The following HEBP2 variants were observed in gnomAD, a reference collection of about 807,000 sequenced individuals.
HEBP2 encodes heme-binding protein 2.
HEBP2 carries 27 observed loss-of-function variants against 23.1 expected under a neutral mutation model. The observed-to-expected ratio is 1.17, with a 90% CI of 0.86 to 1.61. HEBP2 has a LOEUF of 1.61. HEBP2 is among the 40% of genes most tolerant of loss of function. HEBP2 has a pLI of 0.00. For synonymous variants in HEBP2, 99 were observed against 95.1 expected, an observed-to-expected ratio of 1.04 and a Z score of -0.24; for missense variants, 245 against 253.8, an observed-to-expected ratio of 0.97 and a Z score of 0.24.
rs1278855613 is a variant in HEBP2, at chr6:138,419,014, CAT to C, written c.*5937_*5938del. ...ACACAGAAGTTGAAAAACTGTATCA[CAT>C]GTTAATGCCCACTAGATAGCACCCA... On this transcript the variant is annotated 3_prime_UTR_variant, in exon 4 of 4. Transcript: ENST00000607197. 1 of 152,072 alleles carries C rather than the reference CAT, an allele frequency of 6.6e-6. No individual in the cohort carries two copies. Among genetic ancestry groups the C allele is most frequent in the Non-Finnish European group, 1.5e-5 (1 of 68,008 alleles). 9.4% of individuals were successfully genotyped at this position (152,072 alleles called of 1,614,324 possible).
At position 138,421,702 on chromosome 6, in the gene HEBP2, C is replaced by T. The variant is rs910822850; in HGVS notation, c.*8624C>T. The T allele has an allele frequency of 6.6e-6, 1 of 152,286 alleles. No individual in the cohort carries two copies. The highest frequency in any genetic ancestry group is 2.1e-4 in the South Asian group (1 of 4,824). 9.4% of individuals were successfully genotyped at this position (152,286 alleles called of 1,614,324 possible). ...GGTGCCATGTTTCAGGGATGAGTCT[C>T]GATTCTTCTCTCCCTGTATTTCATC... On this transcript the variant is annotated 3_prime_UTR_variant, in exon 4 of 4. Transcript: ENST00000607197.
rs1053235324 is a variant in HEBP2, at chr6:138,415,988, T to G, written c.*2910T>G. 1 of 152,272 alleles carries G rather than the reference T, an allele frequency of 6.6e-6. No individual in the cohort carries two copies. Among genetic ancestry groups the G allele is most frequent in the Non-Finnish European group, 1.5e-5 (1 of 68,136 alleles). The allele number at this position is 152,272 out of a possible 1,614,324, so 9.4% of individuals were successfully genotyped here. ...GACTGGTCCCTCCCCTTCTCCTGGC[T>G]ACCAGGCCTATAACGAGACTTAAGT... is the stretch of plus-strand genomic sequence containing the variant. On this transcript the variant is annotated 3_prime_UTR_variant, in exon 4 of 4. Coordinates refer to ENST00000607197, the MANE Select transcript of HEBP2 (RefSeq NM_014320.3).
chr6:138,404,723 A>G, intron 1 of HEBP2, 126 bp downstream of exon 1: 2 of 555,746 alleles, frequency 3.6e-6, no homozygotes, highest in South Asian at 6.0e-5. Context: ...CCTACCCACT[A>G]TGCTACGCAA....
rs1434866848 is a variant in HEBP2 at position 138,421,165 on chromosome 6, A to T, written c.*8087A>T. 6.6e-6 allele frequency: 1 copy of T among 152,086 alleles called. No individual in the cohort carries two copies. Among genetic ancestry groups the T allele is most frequent in the Non-Finnish European group, 1.5e-5 (1 of 68,038 alleles). 9.4% of individuals were successfully genotyped at this position (152,086 alleles called of 1,614,324 possible). A position where few individuals can be genotyped will look rare whatever the true frequency, so the allele number is the denominator to read the frequency against. On this transcript the variant is annotated 3_prime_UTR_variant, in exon 4 of 4. Transcript: ENST00000607197. Reference sequence around the variant, plus strand: ...AATGACCCTCCATTCCCCCAACAACATCCTCACATCTGCCAAAGCAAATTA... The same window carrying T: ...AATGACCCTCCATTCCCCCAACAACTTCCTCACATCTGCCAAAGCAAATTA...
chr6:138,412,717 G>T (rs1376098209), intron 3 of HEBP2, among the ~76,000 whole-genome samples, 163 bp from the exon 4 acceptor site: 1 of 152,202 alleles, frequency 6.6e-6, no homozygotes, highest in East Asian at 1.9e-4. Context: ...GCCTCCCAAA[G>T]TCCTGGGATT....
rs546522266 is a variant in HEBP2 at position 138,421,943 on chromosome 6, C to G, written c.*8865C>G. On this transcript the variant is annotated 3_prime_UTR_variant, in exon 4 of 4. Transcript: ENST00000607197. ...GAGACCTTCTGGTCTCACTGCTTTT[C>G]TGTTTGTATCCAGCAAAACACTCAA... is the stretch of plus-strand genomic sequence containing the variant. 6.6e-6 allele frequency: 1 copy of G among 152,244 alleles called. No individual in the cohort carries two copies. The highest frequency in any genetic ancestry group is 2.1e-4 in the South Asian group (1 of 4,826). 9.4% of individuals were successfully genotyped at this position (152,244 alleles called of 1,614,324 possible). A position where few individuals can be genotyped will look rare whatever the true frequency, so the allele number is the denominator to read the frequency against.
Position 138,404,473 on chromosome 6 carries a change from C to T in HEBP2, c.-23C>T. The T allele has an allele frequency of 7.9e-7, 1 of 1,258,252 alleles. No individual in the cohort carries two copies. The highest frequency in any genetic ancestry group is 1.0e-6 in the Non-Finnish European group (1 of 1,001,616). The allele number at this position is 1,258,252 out of a possible 1,614,324, so 77.9% of individuals were successfully genotyped here. A position where few individuals can be genotyped will look rare whatever the true frequency, so the allele number is the denominator to read the frequency against. ...CGGGGCCTCTGCGCGGCTGACCAGGCTCCCAGAGCGTCAGCGCCGCCCATG... is the reference window on the plus strand; with the variant it reads ...CGGGGCCTCTGCGCGGCTGACCAGGTTCCCAGAGCGTCAGCGCCGCCCATG... On this transcript the variant is annotated 5_prime_UTR_variant, in exon 1 of 4. Transcript: ENST00000607197.
At chr6:138,408,153 G>T (rs7773341) in intron 3 of HEBP2, among the ~76,000 whole-genome samples, 2,032 of 152,288 alleles carry the variant, frequency 0.013, 43 homozygotes, top group African/African-American at 0.046. Context: ...TCAAAGGGTT[G>T]CTTGGCCTTA....
At position 138,413,046 on chromosome 6, in the gene HEBP2, C is replaced by CA. The variant is rs769528102; in HGVS notation, c.593dup (p.Asn198LysfsTer2). The CA allele has an allele frequency of 2.5e-6, 4 of 1,612,698 alleles. No individual in the cohort carries two copies. Among genetic ancestry groups the CA allele is most frequent in the South Asian group, 1.1e-5 (1 of 90,824 alleles). On this transcript the variant is annotated frameshift_variant, in exon 4 of 4. Transcript: ENST00000607197. LOFTEE classifies it high-confidence loss of function. ...TAGAAATAATGAAGTGTGGTTGATTCAAAAAAATGAACCCACCAAAGAAAA... is the reference window on the plus strand; with the variant it reads ...TAGAAATAATGAAGTGTGGTTGATTCAAAAAAAATGAACCCACCAAAGAAAA...
In HEBP2 at chr6:138,406,086, T is replaced by G; in HGVS notation, c.354T>G (p.Asp118Glu). 1 of 1,614,182 alleles carries G rather than the reference T, an allele frequency of 6.2e-7. No individual in the cohort carries two copies. Among genetic ancestry groups the G allele is most frequent in the Non-Finnish European group, 8.5e-7 (1 of 1,180,014 alleles). The change falls in exon 3 of 4, where the codon GAT becomes GAG. Residue 118 changes from aspartate to glutamate, a missense_variant. Coordinates refer to ENST00000607197, the MANE Select transcript of HEBP2 (RefSeq NM_014320.3). ...ATATTCCCTCTGAACAGCAATTTGA[T>G]CCACCCAGGCCTTTAGAGTCAGATG... ...SLYIPSEQQFDPPRPLESDVF... is the reference protein window; with the variant it reads ...SLYIPSEQQFEPPRPLESDVF...
intron 3 of HEBP2, 78 bp from the exon 4 acceptor site, chr6:138,412,802 A>C: frequency 1.6e-6 from 2 of 1,234,742 alleles, no homozygotes; most frequent in East Asian, 2.3e-5. Flanking sequence ...TCACGGTACT[A>C]GCGCCCGCTT....
chr6:138,405,336 TATTGAG>T (rs1361949821), intron 2 of HEBP2, 56 bp downstream of exon 2: 1 of 1,593,742 alleles, frequency 6.3e-7, no homozygotes, highest in East Asian at 2.2e-5. Context: ...CCGGGCTTAT[TATTGAG>T]TTTTAGCTTA....
chr6:138,419,405 C>T lies in HEBP2; in HGVS notation c.*6327C>T, dbSNP rs1285833762. The T allele has an allele frequency of 3.9e-5, 6 of 152,198 alleles. No homozygotes were observed. Among genetic ancestry groups the T allele is most frequent in the Non-Finnish European group, 8.8e-5 (6 of 68,036 alleles). The allele number at this position is 152,198 out of a possible 1,614,324, so 9.4% of individuals were successfully genotyped here. On this transcript the variant is annotated 3_prime_UTR_variant, in exon 4 of 4. Transcript: ENST00000607197. ...CCTATTCTAGGTATGTGGTTCCTTT[C>T]GGGCCTACAGGGTCCTGAACACAAT...
rs1011166142 is a variant in HEBP2, at chr6:138,406,235, A to G, written c.419+84A>G. 2.4e-6 allele frequency: 3 copies of G among 1,239,686 alleles called. No individual in the cohort carries two copies. The African/African-American group carries it at 4.5e-5, about 19-fold the overall frequency. 76.8% of individuals were successfully genotyped at this position (1,239,686 alleles called of 1,614,324 possible). A position where few individuals can be genotyped will look rare whatever the true frequency, so the allele number is the denominator to read the frequency against. ...AGTTTAGCTCCAATGCAATTTCAAAAGGCTTTTTCACCCTTCCATAAAATC... is the reference window on the plus strand; with the variant it reads ...AGTTTAGCTCCAATGCAATTTCAAAGGGCTTTTTCACCCTTCCATAAAATC... On this transcript the variant is annotated intron_variant, in intron 3 of 3. Coordinates refer to ENST00000607197, the MANE Select transcript of HEBP2 (RefSeq NM_014320.3).
Position 138,415,436 on chromosome 6 carries a change from CG to C in HEBP2, c.*2359del, listed in dbSNP as rs1455249153. ...GAAATGGCATGCTGGTGCAGGGGAA[CG>C]CAATGACTGGTGGGTGATTTGGGTG... is the stretch of plus-strand genomic sequence containing the variant. On this transcript the variant is annotated 3_prime_UTR_variant, in exon 4 of 4. Coordinates refer to ENST00000607197, the MANE Select transcript of HEBP2 (RefSeq NM_014320.3). 6.6e-6 allele frequency: 1 copy of C among 152,124 alleles called. No homozygotes were observed. Among genetic ancestry groups the C allele is most frequent in the Non-Finnish European group, 1.5e-5 (1 of 68,078 alleles). The allele number at this position is 152,124 out of a possible 1,614,324, so 9.4% of individuals were successfully genotyped here. A position where few individuals can be genotyped will look rare whatever the true frequency, so the allele number is the denominator to read the frequency against.
Position 138,404,370 on chromosome 6 carries a change from G to T in HEBP2, c.-126G>T, listed in dbSNP as rs1471182839. 1.8e-6 allele frequency: 1 copy of T among 550,380 alleles called. No homozygotes were observed. Among genetic ancestry groups the T allele is most frequent in the Admixed American group, 4.7e-5 (1 of 21,352 alleles). 34.1% of individuals were successfully genotyped at this position (550,380 alleles called of 1,614,324 possible). A position where few individuals can be genotyped will look rare whatever the true frequency, so the allele number is the denominator to read the frequency against. On this transcript the variant is annotated 5_prime_UTR_variant, in exon 1 of 4. Transcript: ENST00000607197. Reference sequence around the variant, plus strand: ...GGGCTCGGGTCTCCAGCCCGGCCGGGAGGAGGGACCGGGTCTGCGGAGCGG... The same window carrying T: ...GGGCTCGGGTCTCCAGCCCGGCCGGTAGGAGGGACCGGGTCTGCGGAGCGG...
chr6:138,403,843 A>T (rs1039665546), upstream of HEBP2: 5 of 399,160 alleles, frequency 1.3e-5, no homozygotes, highest in African/African-American at 8.2e-5. Flanking sequence ...GATTCTCTCC[A>T]TGTGTCTGTG....
intron 3 of HEBP2, among the ~76,000 whole-genome samples, chr6:138,407,802 A>G (rs542468149): frequency 6.6e-6 from 1 of 152,344 alleles, no homozygotes; most frequent in East Asian, 1.9e-4. Flanking sequence ...CACCACATGG[A>G]TGCTGCTGAG....
At position 138,418,132 on chromosome 6, in the gene HEBP2, A is replaced by C. The variant is rs1160676226; in HGVS notation, c.*5054A>C. On this transcript the variant is annotated 3_prime_UTR_variant, in exon 4 of 4. Coordinates refer to ENST00000607197, the MANE Select transcript of HEBP2 (RefSeq NM_014320.3). ...ACTCATAATTACCAACATTCAGTAA[A>C]AAATTACTGGAAACAGAGAAATATA... The C allele has an allele frequency of 6.6e-6, 1 of 152,270 alleles. No individual in the cohort carries two copies. Among genetic ancestry groups the C allele is most frequent in the Non-Finnish European group, 1.5e-5 (1 of 68,044 alleles). 9.4% of individuals were successfully genotyped at this position (152,270 alleles called of 1,614,324 possible).
Sources: gnomAD v4.1 joint callset for allele counts (sites outside exome capture counted in the v4.1 genomes callset) on GRCh38, gnomAD v4.1.1 for gene constraint, MANE v1.5 for transcripts, NCBI Gene and HGNC (gene_info 2026-07-23, HGNC 2026-07-21) for gene names.